Variants in TULP4 observed in about 807,000 individuals in gnomAD.
TULP4 encodes the protein TUB like protein 4.
Under a neutral mutation model 129.0 loss-of-function variants are expected in TULP4, and 16 were observed. That is an observed-to-expected ratio of 0.12 (90% CI 0.08 to 0.19). TULP4 has a LOEUF of 0.19. TULP4 is among the 10% of genes least tolerant of loss of function. The pLI is 1.00. For synonymous variants in TULP4, 998 were observed against 854.0 expected, an observed-to-expected ratio of 1.17 and a Z score of -2.94; for missense variants, 1,842 against 2,059.1, an observed-to-expected ratio of 0.89 and a Z score of 2.04.
At position 158,461,632 on chromosome 6, in the gene TULP4, T is replaced by A. The variant is rs767103157; in HGVS notation, c.929T>A (p.Leu310His). 6.2e-7 allele frequency: 1 copy of A among 1,614,072 alleles called. No homozygotes were observed. Among genetic ancestry groups the A allele is most frequent in the South Asian group, 1.1e-5 (1 of 91,060 alleles). The change falls in exon 6 of 14, where the codon CTT becomes CAT. Residue 310 changes from leucine (L) to histidine (H), a missense_variant. By Grantham distance (99) the Leu-to-His change is moderately conservative. This residue lies in a region of TULP4 where 456 missense variants were observed against 534.3 expected (regional missense o/e 0.85). Coordinates refer to ENST00000367097, the MANE Select transcript of TULP4 (RefSeq NM_020245.5). ...AVAGMERQTQ[L>H]GELPNGPLLK... Reference sequence around the variant, plus strand: ...GCTGGGATGGAACGGCAGACCCAGCTTGGTGAGCTTCCCAATGGTCCCCTT... The same window carrying A: ...GCTGGGATGGAACGGCAGACCCAGCATGGTGAGCTTCCCAATGGTCCCCTT...
intron 5 of TULP4, among the ~76,000 whole-genome samples, chr6:158,460,636 C>T (rs117448099): frequency 2.9e-3 from 447 of 152,302 alleles, no homozygotes; most frequent in Non-Finnish European, 5.6e-3. Flanking sequence ...AAAACTGTCT[C>T]CCAGCAGGGG....
intron 5 of TULP4, among the ~76,000 whole-genome samples, chr6:158,454,679 C>T (rs1026525604): frequency 7.3e-5 from 11 of 151,688 alleles, no homozygotes; most frequent in Non-Finnish European, 1.5e-4. Flanking sequence ...GATCTTGGCT[C>T]ACTGAGTCTT....
At chr6:158,483,090 C>T (rs924191850) in intron 8 of TULP4, among the ~76,000 whole-genome samples, 4 of 152,186 alleles carry the variant, frequency 2.6e-5, no homozygotes, top group African/African-American at 9.7e-5. Flanking sequence ...GAGTCTCCTG[C>T]TATTATTAAG....
intron 1 of TULP4, among the ~76,000 whole-genome samples, chr6:158,367,300 T>C (rs1776940520): frequency 6.6e-6 from 1 of 152,178 alleles, no homozygotes; most frequent in Non-Finnish European, 1.5e-5. Context: ...CAGAGGGGAC[T>C]CAAGAGGGTA....
intron 1 of TULP4, among the ~76,000 whole-genome samples, chr6:158,232,513 G>C: frequency 6.6e-6 from 1 of 151,374 alleles, no homozygotes; most frequent in East Asian, 1.9e-4. Context: ...TCTGACCCGG[G>C]CCCGGCGGCC....
intron 9 of TULP4, 96 bp downstream of exon 9, chr6:158,489,828 T>A: frequency 6.9e-7 from 1 of 1,440,924 alleles, no homozygotes; most frequent in South Asian, 1.3e-5. Context: ...ACCAGAAGAG[T>A]CAAAGAGCAA....
At chr6:158,418,268 G>A (rs1056959551) in intron 2 of TULP4, among the ~76,000 whole-genome samples, 6 of 151,654 alleles carry the variant, frequency 4.0e-5, no homozygotes, top group South Asian at 2.1e-4. Flanking sequence ...CACCACACCC[G>A]GCTATTTTTT....
intron 2 of TULP4, among the ~76,000 whole-genome samples, chr6:158,418,399 CT>C (rs772179433): frequency 0.015 from 1,944 of 127,456 alleles, 25 homozygotes; most frequent in African/African-American, 0.04. Context: ...TGAGCCACCA[CT>C]TTTTTTTTTT....
intron 4 of TULP4, 130 bp from the exon 5 acceptor site, chr6:158,452,004 G>A (rs772383341): frequency 1.5e-5 from 20 of 1,360,146 alleles, no homozygotes; most frequent in Non-Finnish European, 2.0e-5. Flanking sequence ...CATTCAGGTA[G>A]CATCCCAATC....
intron 1 of TULP4, among the ~76,000 whole-genome samples, chr6:158,344,111 T>G (rs1011593379): frequency 3.3e-5 from 5 of 152,226 alleles, no homozygotes; most frequent in African/African-American, 1.2e-4. Flanking sequence ...CCCTTAAGAA[T>G]GTTCTTTGTA....
chr6:158,351,604 T>C (rs980560266), intron 1 of TULP4, among the ~76,000 whole-genome samples: 1 of 151,906 alleles, frequency 6.6e-6, no homozygotes, highest in African/African-American at 2.4e-5. Flanking sequence ...TTGTGGACTT[T>C]ACAAACTTAG....
chr6:158,368,025 G>A lies in TULP4; in HGVS notation c.253-45040G>A, dbSNP rs567510155. Reference sequence around the variant, plus strand: ...TGAGGATCACCCAAGCCCATAGATCGAGGCTGCAGTGAGTCACTCCAGCCT... The same window carrying A: ...TGAGGATCACCCAAGCCCATAGATCAAGGCTGCAGTGAGTCACTCCAGCCT... On this transcript the variant is annotated intron_variant, in intron 1 of 13. Coordinates refer to ENST00000367097, the MANE Select transcript of TULP4 (RefSeq NM_020245.5). Among the ~76,000 whole-genome samples, 6 of 139,890 alleles carry A rather than the reference G, an allele frequency of 4.3e-5. No homozygotes were observed. In the South Asian group the frequency reaches 9.0e-4, roughly 21 times the overall value. The allele number at this position is 139,890 out of a possible 152,430, so 91.8% of individuals were successfully genotyped here. A position where few individuals can be genotyped will look rare whatever the true frequency, so the allele number is the denominator to read the frequency against.
Position 158,314,226 on chromosome 6 carries a change from T to G in TULP4, c.210T>G (p.Thr70=). The change falls in exon 1 of 14, where the codon ACT becomes ACG. Residue 70 remains threonine (T), a synonymous_variant. Transcript: ENST00000367097. ...GTCACTGTCGCAGGGACAGGAGTAC[T>G]CCACAGAGGATAAATTTCAACCTCC... is the stretch of plus-strand genomic sequence containing the variant. ...TSSHCRRDRS[T]PQRINFNLRG... is the part of the protein sequence containing the mutation. 1 of 1,614,168 alleles carries G rather than the reference T, an allele frequency of 6.2e-7. No homozygotes were observed. Among genetic ancestry groups the G allele is most frequent in the South Asian group, 1.1e-5 (1 of 91,086 alleles).
At chr6:158,416,008 C>T (rs1027568361) in intron 2 of TULP4, among the ~76,000 whole-genome samples, 1 of 152,202 alleles carries the variant, frequency 6.6e-6, no homozygotes, top group Non-Finnish European at 1.5e-5. Context: ...GGTCCAAGAG[C>T]CCCTGGCAAA....
chr6:158,250,920 C>G (rs1225835305), intron 1 of TULP4, among the ~76,000 whole-genome samples: 1 of 152,138 alleles, frequency 6.6e-6, no homozygotes. Flanking sequence ...ATGACTTCCC[C>G]CTTTTAATTT....
At chr6:158,470,671 A>G (rs1284810805) in intron 6 of TULP4, among the ~76,000 whole-genome samples, 4 of 152,218 alleles carry the variant, frequency 2.6e-5, no homozygotes, top group Non-Finnish European at 5.9e-5. Context: ...CAAACAAGAG[A>G]ACAACAGTTG....
At chr6:158,425,011 G>C (rs1050425141) in intron 2 of TULP4, among the ~76,000 whole-genome samples, 3 of 151,526 alleles carry the variant, frequency 2.0e-5, no homozygotes, top group African/African-American at 7.3e-5. Context: ...AAAATTAGCC[G>C]GGCGTGGTGG....
chr6:158,502,287 C>G lies in TULP4; in HGVS notation c.2624C>G (p.Thr875Arg). 6.2e-7 allele frequency: 1 copy of G among 1,612,934 alleles called. No homozygotes were observed. The change falls in exon 13 of 14, where the codon ACG becomes AGG. Residue 875 changes from threonine to arginine, a missense_variant. By Grantham distance (71) the Thr-to-Arg change is moderately conservative. Coordinates refer to ENST00000367097, the MANE Select transcript of TULP4 (RefSeq NM_020245.5). ...LKKGDFSLYP[T>R]SVHYQTPLGY... ...AAGGGCGACTTCTCCCTCTACCCCACGTCAGTGCACTACCAGACCCCCCTG... is the reference window on the plus strand; with the variant it reads ...AAGGGCGACTTCTCCCTCTACCCCAGGTCAGTGCACTACCAGACCCCCCTG...
chr6:158,348,399 A>C lies in TULP4; in HGVS notation c.252+34131A>C, dbSNP rs1247606270. Among the ~76,000 whole-genome samples, 3 of 152,140 alleles carry C rather than the reference A, an allele frequency of 2.0e-5. No individual in the cohort carries two copies. The East Asian group carries it at 5.8e-4, about 29-fold the overall frequency. ...GACTCTTAATGAGCATGCTGCCTTCAAGCATCTGTTTAACAAAGCACATCT... is the reference window on the plus strand; with the variant it reads ...GACTCTTAATGAGCATGCTGCCTTCCAGCATCTGTTTAACAAAGCACATCT... On this transcript the variant is annotated intron_variant, in intron 1 of 13. Coordinates refer to ENST00000367097, the MANE Select transcript of TULP4 (RefSeq NM_020245.5).
Sources: gnomAD v4.1 joint callset for allele counts (sites outside exome capture counted in the v4.1 genomes callset) on GRCh38, gnomAD v4.1.1 for gene constraint, gnomAD v4.1.1 regional missense constraint, MANE v1.5 for transcripts, NCBI Gene and HGNC (gene_info 2026-07-23, HGNC 2026-07-21) for gene names.